KCNN3: variants seen among roughly 807,000 people sequenced by gnomAD.
KCNN3 encodes small conductance calcium-activated potassium channel protein 3.
KCNN3 carries 16 observed loss-of-function variants against 62.9 expected under a neutral mutation model. The observed-to-expected ratio is 0.25, with a 90% CI of 0.17 to 0.39. The LOEUF is 0.39. Among genes scored for constraint, KCNN3 ranks in the 10% least tolerant of loss-of-function variants. The pLI, the probability that KCNN3 is intolerant of heterozygous loss-of-function variation, is 1.00. For missense variants in KCNN3, 599 were observed against 949.4 expected (o/e 0.63, Z 4.85); for synonymous variants, 370 against 389.2 (o/e 0.95, Z 0.58).
At chr1:154,868,900 A>ATCTCTCTCTCTCTC (rs60145117) in intron 1 of KCNN3, 132 bp downstream of exon 1, 326 of 759,322 alleles carry the variant, frequency 4.3e-4, no homozygotes, top group South Asian at 9.4e-4. Context: ...CAATCTCTCA[A>ATCTCTCTCTCTCTC]TCTCTCTCTC....
In KCNN3 at chr1:154,788,971, C is replaced by T. The variant is rs142766117; in HGVS notation, c.1030-16578G>A. 4.1e-3 allele frequency among the ~76,000 whole-genome samples: 619 copies of T among 152,246 alleles called. 4 individuals carry two copies. Among genetic ancestry groups the T allele is most frequent in the African/African-American group, 0.011 (454 of 41,538 alleles). ...CCAGGCAGTCTGGCCCCAGAGTCCA[C>T]GTACACTCATTTCTTATTGCTGCTG... On this transcript the variant is annotated intron_variant, in intron 2 of 7. Transcript: ENST00000271915.
rs548585313 is a variant in KCNN3, at chr1:154,869,104, A to C, written c.861T>G (p.Ala287=). The C allele has an allele frequency of 1.2e-6, 2 of 1,614,062 alleles. No homozygotes were observed. Among genetic ancestry groups the C allele is most frequent in the South Asian group, 2.2e-5 (2 of 91,082 alleles). The part of the protein sequence containing the change: ...FEKRKRLSDY[A]LIFGMFGIVV... Reference sequence around the variant, plus strand: ...CAATTCCAAACATCCCAAAAATCAGAGCATAGTCACTCAGTCGCTTTCTCT... The same window carrying C: ...CAATTCCAAACATCCCAAAAATCAGCGCATAGTCACTCAGTCGCTTTCTCT... Residue 287 remains alanine, a synonymous_variant, in exon 1 of 8, where the codon GCT becomes GCG. Coordinates refer to ENST00000271915, the MANE Select transcript of KCNN3 (RefSeq NM_002249.6). The surrounding 1 kb of genome is among the most constrained non-coding windows in gnomAD (Gnocchi z 6.1).
intron 2 of KCNN3, among the ~76,000 whole-genome samples, chr1:154,792,229 G>A (rs1649547735): frequency 6.6e-6 from 1 of 152,188 alleles, no homozygotes; most frequent in Admixed American, 6.5e-5. Flanking sequence ...TATTCCCTCC[G>A]GGTCTCCCCC....
intron 2 of KCNN3, among the ~76,000 whole-genome samples, chr1:154,799,147 C>T (rs1649852994): frequency 1.3e-5 from 2 of 152,234 alleles, no homozygotes; most frequent in African/African-American, 4.8e-5. Flanking sequence ...GAACTCCTGA[C>T]TTCAAGTGAT....
intron 2 of KCNN3, among the ~76,000 whole-genome samples, chr1:154,801,512 C>T (rs1649951973): frequency 6.6e-6 from 1 of 152,164 alleles, no homozygotes; most frequent in African/African-American, 2.4e-5. Flanking sequence ...GATGCTCGCT[C>T]CCACCCCCTG....
intron 3 of KCNN3, among the ~76,000 whole-genome samples, chr1:154,764,060 G>C (rs1211551575): frequency 6.6e-6 from 1 of 152,020 alleles, no homozygotes; most frequent in Non-Finnish European, 1.5e-5. Context: ...ATAAATCTTT[G>C]CTCTTCATTT....
intron 3 of KCNN3, among the ~76,000 whole-genome samples, chr1:154,735,086 G>C (rs1430581119): frequency 6.6e-6 from 1 of 152,170 alleles, no homozygotes; most frequent in Non-Finnish European, 1.5e-5. Flanking sequence ...AAGAGATTCT[G>C]GGTTCTTGAG....
intron 2 of KCNN3, among the ~76,000 whole-genome samples, chr1:154,803,094 G>A (rs549290425): frequency 5.3e-5 from 8 of 152,182 alleles, no homozygotes; most frequent in Admixed American, 1.3e-4. Context: ...GCAGCTGTAT[G>A]TACTGGACTT....
intron 1 of KCNN3, among the ~76,000 whole-genome samples, chr1:154,834,437 G>A (rs1191482928): frequency 6.6e-6 from 1 of 152,252 alleles, no homozygotes; most frequent in Non-Finnish European, 1.5e-5. Context: ...TCTAGGGGGG[G>A]TCAGGGAACC....
At chr1:154,822,845 G>A (rs913748340) in intron 1 of KCNN3, among the ~76,000 whole-genome samples, 17 of 152,186 alleles carry the variant, frequency 1.1e-4, no homozygotes, top group Non-Finnish European at 2.2e-4. Context: ...GGGGAGGTGA[G>A]CCCCGTGGCC....
chr1:154,788,816 A>G (rs994237862), intron 2 of KCNN3, among the ~76,000 whole-genome samples: 1 of 152,204 alleles, frequency 6.6e-6, no homozygotes, highest in Non-Finnish European at 1.5e-5. Flanking sequence ...ACTTACACAT[A>G]CTAGCTTCTT....
At chr1:154,808,960 G>A (rs1458335853) in intron 2 of KCNN3, among the ~76,000 whole-genome samples, 1 of 152,182 alleles carries the variant, frequency 6.6e-6, no homozygotes, top group Non-Finnish European at 1.5e-5. Context: ...CCGCCTCGTG[G>A]CTCTGAGTTC....
Position 154,772,219 on chromosome 1 carries a change from C to G in KCNN3, c.1204G>C (p.Asp402His), listed in dbSNP as rs267598058. 1 of 1,614,230 alleles carries G rather than the reference C, an allele frequency of 6.2e-7. No individual in the cohort carries two copies. Among genetic ancestry groups the G allele is most frequent in the Non-Finnish European group, 8.5e-7 (1 of 1,180,046 alleles). ...FSYTPSRAEA[D>H]VDIILSIPMF... ...GGGATAGACAGGATGATGTCCACAT[C>G]GGCCTCCGCCCGGGAGGGTGTGTAG... Residue 402 changes from aspartate to histidine, a missense_variant, in exon 3 of 8, where the codon GAT becomes CAT. Transcript: ENST00000271915. This position sits in a 1 kb window ranked among gnomAD's most constrained non-coding sequence, Gnocchi z 5.6.
chr1:154,781,617 C>G (rs906252805), intron 2 of KCNN3, among the ~76,000 whole-genome samples: 1 of 152,214 alleles, frequency 6.6e-6, no homozygotes, highest in Non-Finnish European at 1.5e-5. Flanking sequence ...GATGGACCAG[C>G]TGGTCTCTAG....
At chr1:154,797,509 C>A (rs1251997308) in intron 2 of KCNN3, among the ~76,000 whole-genome samples, 1 of 152,214 alleles carries the variant, frequency 6.6e-6, no homozygotes, top group African/African-American at 2.4e-5. Flanking sequence ...ATTTCTTCCT[C>A]CATGACCCCC....
intron 3 of KCNN3, 136 bp from the exon 4 acceptor site, chr1:154,733,280 C>A: frequency 2.2e-6 from 2 of 910,294 alleles, no homozygotes; most frequent in South Asian, 2.8e-5. Flanking sequence ...TCACACAGAT[C>A]TCTTTAGGCT....
chr1:154,723,681 A>G (rs1372221102), intron 5 of KCNN3, among the ~76,000 whole-genome samples: 1 of 152,216 alleles, frequency 6.6e-6, no homozygotes, highest in Non-Finnish European at 1.5e-5. Flanking sequence ...TAAAAAAGAA[A>G]ACCAGAATAA....
intron 6 of KCNN3, among the ~76,000 whole-genome samples, chr1:154,714,612 G>GTGT (rs1553227050): frequency 0.085 from 2,102 of 24,806 alleles, 196 homozygotes; most frequent in East Asian, 0.19. Flanking sequence ...TGTGGTGTGT[G>GTGT]GTGTGTGTGT....
At chr1:154,803,142 G>T (rs111824178) in intron 2 of KCNN3, among the ~76,000 whole-genome samples, 2 of 152,134 alleles carry the variant, frequency 1.3e-5, no homozygotes, top group Non-Finnish European at 2.9e-5. Flanking sequence ...GCTCAAAAAT[G>T]CCCCCAGGCC....
Sources: allele counts gnomAD v4.1 joint callset (sites outside exome capture counted in the v4.1 genomes callset), GRCh38; gene constraint gnomAD v4.1.1; non-coding constraint Gnocchi (gnomAD v3.1); transcripts MANE v1.5; gene names NCBI Gene and HGNC (gene_info 2026-07-23, HGNC 2026-07-21).